The following PLEKHG4B variants were observed in gnomAD, a reference collection of about 807,000 sequenced individuals.
PLEKHG4B encodes pleckstrin homology and RhoGEF domain containing G4B.
A neutral mutation model predicts 121.3 loss-of-function variants in PLEKHG4B; 111 were observed. The observed-to-expected ratio is 0.92, with a 90% CI of 0.78 to 1.07. The LOEUF is 1.07. Among genes scored for constraint, PLEKHG4B ranks in the 50% least tolerant of loss-of-function variants. PLEKHG4B has a pLI of 0.00. For synonymous variants in PLEKHG4B, 738 were observed against 725.0 expected (o/e 1.02, Z -0.29); for missense variants, 1,831 against 1,757.8 (o/e 1.04, Z -0.74).
At chr5:109,872 A>C (rs539313291) in intron 1 of PLEKHG4B, among the ~76,000 whole-genome samples, 50 of 152,336 alleles carry the variant, frequency 3.3e-4, no homozygotes, top group Admixed American at 2.5e-3. Flanking sequence ...GCTCTGCAGC[A>C]CACGTGCACA....
At chr5:160,817 C>T (rs1437167961) in intron 11 of PLEKHG4B, among the ~76,000 whole-genome samples, 11 of 151,912 alleles carry the variant, frequency 7.2e-5, no homozygotes, top group Admixed American at 5.2e-4. Flanking sequence ...TCCAGCTCTG[C>T]GCCACCCCCA....
chr5:142,598 TCA>T (rs1230588686), intron 3 of PLEKHG4B, among the ~76,000 whole-genome samples: 1 of 150,898 alleles, frequency 6.6e-6, no homozygotes. Context: ...CCTCACACAA[TCA>T]CACTCCAGAG....
chr5:145,288 G>T (rs1264965933), intron 6 of PLEKHG4B, among the ~76,000 whole-genome samples: 1 of 152,220 alleles, frequency 6.6e-6, no homozygotes, highest in Non-Finnish European at 1.5e-5. Flanking sequence ...CCCCCGCTAT[G>T]CCCCTCTGTC....
chr5:103,389 C>T (rs138440042), intron 1 of PLEKHG4B, among the ~76,000 whole-genome samples: 25 of 152,138 alleles, frequency 1.6e-4, no homozygotes, highest in African/African-American at 6.0e-4. Flanking sequence ...TATAGTGACC[C>T]CCACTCTGGG....
rs1410790232 is a variant in PLEKHG4B, at chr5:159,535, T to G, written c.2488-2248T>G. On this transcript the variant is annotated intron_variant, in intron 11 of 19. Coordinates refer to ENST00000637938, the MANE Select transcript of PLEKHG4B (RefSeq NM_052909.5). The surrounding 1 kb of genome is among the most constrained non-coding windows in gnomAD (Gnocchi z 5.5). ...CTATTATTGAGTTTTTTGTTTCTGC[T>G]CTTGCTTTTTAACTCCATGGGCTTA... Among the ~76,000 whole-genome samples, 1 of 152,138 alleles carries G rather than the reference T, an allele frequency of 6.6e-6. No individual in the cohort carries two copies. Among genetic ancestry groups the G allele is most frequent in the Non-Finnish European group, 1.5e-5 (1 of 68,026 alleles).
intron 7 of PLEKHG4B, among the ~76,000 whole-genome samples, chr5:151,880 C>T (rs1419732088): frequency 1.3e-5 from 2 of 152,194 alleles, no homozygotes; most frequent in African/African-American, 4.8e-5. Context: ...CATTTGGCCT[C>T]ATTCTGAAAG....
rs146548814 is a variant in PLEKHG4B, at chr5:165,203, A to C, written c.3476+1655A>C. Among the ~76,000 whole-genome samples, 3 of 18,648 alleles carry C rather than the reference A, an allele frequency of 1.6e-4. 1 individual carries two copies. 12.2% of individuals were successfully genotyped at this position (18,648 alleles called of 152,430 possible). A position where few individuals can be genotyped will look rare whatever the true frequency, so the allele number is the denominator to read the frequency against. On this transcript the variant is annotated intron_variant, in intron 13 of 19. Coordinates refer to ENST00000637938, the MANE Select transcript of PLEKHG4B (RefSeq NM_052909.5). Reference sequence around the variant, plus strand: ...TCACAGTACTCCTCTGACGGGGCGGAGCTCACACTAATGCTCTGACGGGGC... The same window carrying C: ...TCACAGTACTCCTCTGACGGGGCGGCGCTCACACTAATGCTCTGACGGGGC...
In PLEKHG4B at chr5:159,150, A is replaced by G. The variant is rs914993906; in HGVS notation, c.2487+2239A>G. Among the ~76,000 whole-genome samples the G allele has an allele frequency of 1.3e-5, 2 of 151,830 alleles. No homozygotes were observed. The highest frequency in any genetic ancestry group is 4.8e-5 in the African/African-American group (2 of 41,312). ...AGGGTTGCCCAGGTGCGCTGAGGGC[A>G]GGTGTGCCCGAGGGTCACCCAGGTG... is the stretch of plus-strand genomic sequence containing the variant. On this transcript the variant is annotated intron_variant, in intron 11 of 19. Transcript: ENST00000637938. This position sits in a 1 kb window ranked among gnomAD's most constrained non-coding sequence, Gnocchi z 5.5.
intron 13 of PLEKHG4B, among the ~76,000 whole-genome samples, chr5:164,469 T>A (rs1359259834): frequency 7.8e-6 from 1 of 127,436 alleles, no homozygotes; most frequent in Non-Finnish European, 1.6e-5. Context: ...AGTAATGTTG[T>A]GACGGAGCAG....
At position 92,190 on chromosome 5, in the gene PLEKHG4B, A is replaced by G; in HGVS notation, c.-42A>G. On this transcript the variant is annotated 5_prime_UTR_variant, in exon 1 of 20. Coordinates refer to ENST00000637938, the MANE Select transcript of PLEKHG4B (RefSeq NM_052909.5). ...CCCAGTGCACAGCGGGACCAGGCAG[A>G]GTTCGGGGAAAGCGTCGGAGTTCGG... 2 of 366,396 alleles carry G rather than the reference A, an allele frequency of 5.5e-6. No homozygotes were observed. Among genetic ancestry groups the G allele is most frequent in the Non-Finnish European group, 4.8e-6 (1 of 206,262 alleles). The allele number at this position is 366,396 out of a possible 1,614,324, so 22.7% of individuals were successfully genotyped here.
chr5:119,355 T>G (rs1487871855), intron 2 of PLEKHG4B, among the ~76,000 whole-genome samples: 1 of 152,238 alleles, frequency 6.6e-6, no homozygotes, highest in Non-Finnish European at 1.5e-5. Context: ...GTGGGAGTTA[T>G]TTATATCCTA....
In PLEKHG4B at chr5:140,257, C is replaced by T; in HGVS notation, c.1018C>T (p.Pro340Ser). Residue 340 changes from proline (P) to serine (S), a missense_variant, in exon 3 of 20, where the codon CCG becomes TCG. Pro to Ser is a moderately conservative substitution (Grantham distance 74, BLOSUM62 -1). Transcript: ENST00000637938. ...LGIPSSRRRP[P>S]GDPTCVQPRR... is the part of the protein sequence containing the mutation. ...CATCCCGAGCAGCAGGAGGCGGCCGCCGGGGGACCCCACTTGTGTGCAGCC... is the reference window on the plus strand; with the variant it reads ...CATCCCGAGCAGCAGGAGGCGGCCGTCGGGGGACCCCACTTGTGTGCAGCC... 1.4e-6 allele frequency: 2 copies of T among 1,453,980 alleles called. No individual in the cohort carries two copies. Among genetic ancestry groups the T allele is most frequent in the Non-Finnish European group, 1.8e-6 (2 of 1,101,748 alleles). The allele number at this position is 1,453,980 out of a possible 1,614,324, so 90.1% of individuals were successfully genotyped here.
intron 2 of PLEKHG4B, among the ~76,000 whole-genome samples, chr5:116,213 A>C (rs556903896): frequency 2.6e-5 from 4 of 152,180 alleles, no homozygotes; most frequent in Non-Finnish European, 5.9e-5. Context: ...AGGGAGAGAG[A>C]TGGAGGAATG....
At chr5:172,804 A>G in intron 16 of PLEKHG4B, 93 bp from the exon 17 acceptor site, 1 of 1,410,288 alleles carries the variant, frequency 7.1e-7, no homozygotes, top group African/African-American at 1.4e-5. Flanking sequence ...CCGTCTTGTC[A>G]CGAAGCTAAC....
chr5:102,079 G>T (rs1416182832), intron 1 of PLEKHG4B, among the ~76,000 whole-genome samples: 1 of 120,872 alleles, frequency 8.3e-6, no homozygotes, highest in African/African-American at 3.8e-5. Flanking sequence ...TCCATATAAA[G>T]CCCTGGAAAA....
intron 2 of PLEKHG4B, among the ~76,000 whole-genome samples, chr5:131,354 T>C (rs952762393): frequency 6.6e-5 from 10 of 152,220 alleles, no homozygotes; most frequent in Admixed American, 3.9e-4. Flanking sequence ...ACAGGGAACA[T>C]GCAGTGTTTG....
At chr5:107,163 C>A (rs1227148730) in intron 1 of PLEKHG4B, among the ~76,000 whole-genome samples, 1 of 152,188 alleles carries the variant, frequency 6.6e-6, no homozygotes, top group Non-Finnish European at 1.5e-5. Flanking sequence ...CAGGTCCTGC[C>A]CATCTCTGCC....
In PLEKHG4B at chr5:153,240, C is replaced by T. The variant is rs764159257; in HGVS notation, c.1993-1635C>T. ...ACAGTTTTAATGGCTGCTTTGAAGT[C>T]CTTGTCTAATAATTCCAACATCTGG... On this transcript the variant is annotated intron_variant, in intron 7 of 19. Transcript: ENST00000637938. Among the ~76,000 whole-genome samples the T allele has an allele frequency of 3.3e-5, 5 of 152,134 alleles. No homozygotes were observed. The South Asian group carries it at 6.2e-4, about 19-fold the overall frequency.
rs1733678360 is a variant in PLEKHG4B at position 188,089 on chromosome 5, ACTG to A, written c.*5768_*5770del. The A allele has an allele frequency of 6.6e-6, 1 of 152,494 alleles. No homozygotes were observed. The highest frequency in any genetic ancestry group is 1.9e-4 in the East Asian group (1 of 5,188). The allele number at this position is 152,494 out of a possible 1,614,324, so 9.4% of individuals were successfully genotyped here. A position where few individuals can be genotyped will look rare whatever the true frequency, so the allele number is the denominator to read the frequency against. On this transcript the variant is annotated 3_prime_UTR_variant, in exon 20 of 20. Coordinates refer to ENST00000637938, the MANE Select transcript of PLEKHG4B (RefSeq NM_052909.5). The stretch of plus-strand genomic sequence containing the variant: ...ACAGGAAACAGGAGCCCTCAGGGCC[ACTG>A]CCAGAGGACGGATTCTGCTGCCAAC...
Sources: gnomAD v4.1 joint callset for allele counts (sites outside exome capture counted in the v4.1 genomes callset) on GRCh38, gnomAD v4.1.1 for gene constraint, Gnocchi (gnomAD v3.1) non-coding constraint, MANE v1.5 for transcripts, NCBI Gene and HGNC (gene_info 2026-07-23, HGNC 2026-07-21) for gene names.